The following HIP1 variants were observed in gnomAD, a reference collection of about 807,000 sequenced individuals.
HIP1 encodes huntingtin interacting protein 1, also known as huntingtin-interacting protein 1.
A neutral mutation model predicts 147.6 loss-of-function variants in HIP1; 65 were observed. The ratio of observed to expected loss-of-function variants is 0.44; its 90% CI spans 0.36 to 0.54. The LOEUF (loss-of-function observed/expected upper bound fraction) is 0.54, where lower values mean the gene tolerates loss of function less well. Ranked by LOEUF, HIP1 falls within the 20% of genes least tolerant of loss-of-function variation. HIP1 has a pLI of 0.00. For synonymous variants in HIP1, 479 were observed against 504.0 expected (o/e 0.95, Z 0.67); for missense variants, 1,061 against 1,299.6 (o/e 0.82, Z 2.82).
At chr7:75,578,627 G>A (rs187782421) in intron 7 of HIP1, among the ~76,000 whole-genome samples, 41 of 152,146 alleles carry the variant, frequency 2.7e-4, no homozygotes, top group African/African-American at 7.5e-4. Flanking sequence ...GCAGTGAGCC[G>A]GAATCGCACC....
chr7:75,544,956 C>G, intron 26 of HIP1, 132 bp downstream of exon 26: 1 of 753,888 alleles, frequency 1.3e-6, no homozygotes. Context: ...CTTGTAAACT[C>G]GGTCCTATTG....
intron 1 of HIP1, among the ~76,000 whole-genome samples, chr7:75,671,073 G>A (rs1393125972): frequency 6.6e-6 from 1 of 152,006 alleles, no homozygotes; most frequent in Non-Finnish European, 1.5e-5. Flanking sequence ...TGTAGTATGT[G>A]TCAGAATTTC....
chr7:75,613,804 C>T (rs1404110445), intron 1 of HIP1, among the ~76,000 whole-genome samples: 1 of 152,210 alleles, frequency 6.6e-6, no homozygotes, highest in Non-Finnish European at 1.5e-5. Flanking sequence ...TGGCTCACTA[C>T]AGCCTCAACC....
intron 1 of HIP1, among the ~76,000 whole-genome samples, chr7:75,623,254 C>T (rs1045949664): frequency 3.1e-4 from 44 of 143,914 alleles, no homozygotes; most frequent in Non-Finnish European, 5.0e-4. Flanking sequence ...GATGGTAGGT[C>T]GAGGAGAGAA....
intron 9 of HIP1, among the ~76,000 whole-genome samples, chr7:75,566,467 G>C (rs1795406146): frequency 6.6e-6 from 1 of 151,396 alleles, no homozygotes; most frequent in Admixed American, 6.6e-5. Flanking sequence ...TAAATTAAGG[G>C]GCAGATTATG....
At chr7:75,595,231 T>TTGGTGTAGGAGTC (rs1330202196) in intron 2 of HIP1, among the ~76,000 whole-genome samples, 1 of 106,122 alleles carries the variant, frequency 9.4e-6, no homozygotes, top group African/African-American at 4.6e-5. Flanking sequence ...TTTCTTTCTT[T>TTGGTGTAGGAGTC]CTTTCTTTCT....
At chr7:75,658,528 G>A (rs1307321888) in intron 1 of HIP1, among the ~76,000 whole-genome samples, 1 of 152,096 alleles carries the variant, frequency 6.6e-6, no homozygotes, top group Non-Finnish European at 1.5e-5. Context: ...TGAATTTTGC[G>A]GGCAGGAAAG....
intron 1 of HIP1, among the ~76,000 whole-genome samples, chr7:75,680,493 T>G (rs1269063035): frequency 6.6e-6 from 1 of 152,244 alleles, no homozygotes; most frequent in African/African-American, 2.4e-5. Flanking sequence ...TTCAAATCTT[T>G]CTGGGGTTGC....
intron 1 of HIP1, among the ~76,000 whole-genome samples, chr7:75,694,549 CT>C (rs1471566723): frequency 4.1e-4 from 56 of 135,198 alleles, no homozygotes; most frequent in Non-Finnish European, 8.0e-4. Context: ...CTCACTCTGT[CT>C]CCCAGGCTGG....
intron 28 of HIP1, among the ~76,000 whole-genome samples, chr7:75,542,566 G>T (rs1318418511): frequency 6.6e-6 from 1 of 151,956 alleles, no homozygotes; most frequent in Non-Finnish European, 1.5e-5. Flanking sequence ...AGGCATGGTG[G>T]CGGGCGCCTG....
intron 1 of HIP1, among the ~76,000 whole-genome samples, chr7:75,636,401 T>C (rs1227256595): frequency 6.6e-6 from 1 of 152,122 alleles, no homozygotes; most frequent in African/African-American, 2.4e-5. Flanking sequence ...AATCTGCTTT[T>C]CCTCACTCTG....
chr7:75,621,013 T>C (rs1797827271), intron 1 of HIP1, among the ~76,000 whole-genome samples: 1 of 152,214 alleles, frequency 6.6e-6, no homozygotes, highest in Middle Eastern at 3.4e-3. Flanking sequence ...CAGGACTGCT[T>C]GAGACCAGGA....
At chr7:75,563,118 G>A (rs782337909) in intron 10 of HIP1, 43 bp from the exon 11 acceptor site, 1 of 1,614,028 alleles carries the variant, frequency 6.2e-7, no homozygotes, top group South Asian at 1.1e-5. Flanking sequence ...TGCTTGCCAG[G>A]CCCCGCCGGC....
chr7:75,534,688 C>A lies in HIP1; in HGVS notation c.*3484G>T, dbSNP rs183300075. On this transcript the variant is annotated 3_prime_UTR_variant, in exon 31 of 31. Transcript: ENST00000336926. ...ACCTCAGGTGATCCACCCGCCCCTG[C>A]CTCCCAAAGTGCTGGGATTAAACGT... 3.8e-4 allele frequency: 68 copies of A among 179,158 alleles called. 1 individual carries two copies. The East Asian group carries it at 5.1e-3, about 13-fold the overall frequency. The allele number at this position is 179,158 out of a possible 1,614,324, so 11.1% of individuals were successfully genotyped here. A position where few individuals can be genotyped will look rare whatever the true frequency, so the allele number is the denominator to read the frequency against.
chr7:75,632,290 G>T (rs1265165182), intron 1 of HIP1, among the ~76,000 whole-genome samples: 3 of 152,094 alleles, frequency 2.0e-5, no homozygotes, highest in African/African-American at 7.2e-5. Flanking sequence ...CGTAAAAAGG[G>T]GGTATTCAGT....
intron 7 of HIP1, among the ~76,000 whole-genome samples, chr7:75,577,403 T>C (rs966402965): frequency 1.3e-5 from 2 of 151,254 alleles, no homozygotes; most frequent in Non-Finnish European, 2.9e-5. Context: ...TAGAATTCAT[T>C]ACATAGTGTT....
chr7:75,602,976 G>C (rs1797063634), intron 1 of HIP1, among the ~76,000 whole-genome samples: 1 of 152,026 alleles, frequency 6.6e-6, no homozygotes, highest in African/African-American at 2.4e-5. Context: ...GATGCTGCAT[G>C]AAATGAGACA....
chr7:75,545,111 C>T lies in HIP1; in HGVS notation c.2637G>A (p.Val879=). The T allele has an allele frequency of 1.2e-6, 2 of 1,608,924 alleles. No homozygotes were observed. Among genetic ancestry groups the T allele is most frequent in the Non-Finnish European group, 8.5e-7 (1 of 1,177,864 alleles). The change falls in exon 26 of 31, where the codon GTG becomes GTA. Residue 879 remains valine, a synonymous_variant. Transcript: ENST00000336926. ...TEGLISASKA[V]GWGATVMVDA... ...ACACCATGACAGTGGCTCCCCAGCCCACAGCCTTGGAGGCTGAGATAAGTC... is the reference window on the plus strand; with the variant it reads ...ACACCATGACAGTGGCTCCCCAGCCTACAGCCTTGGAGGCTGAGATAAGTC...
chr7:75,721,155 T>A (rs530195663), intron 1 of HIP1, among the ~76,000 whole-genome samples: 55 of 151,870 alleles, frequency 3.6e-4, no homozygotes, highest in African/African-American at 1.3e-3. Flanking sequence ...AGCGGGTGGA[T>A]CACTTGAGGT....
Sources: gnomAD v4.1 joint callset for allele counts (sites outside exome capture counted in the v4.1 genomes callset) on GRCh38, gnomAD v4.1.1 for gene constraint, MANE v1.5 for transcripts, NCBI Gene and HGNC (gene_info 2026-07-23, HGNC 2026-07-21) for gene names.